The following ZMYND8 variants were observed in gnomAD, a reference collection of about 807,000 sequenced individuals.
ZMYND8 encodes MYND-type zinc finger-containing chromatin reader ZMYND8.
A neutral mutation model predicts 140.8 loss-of-function variants in ZMYND8; 37 were observed. The observed-to-expected ratio is 0.26, with a 90% CI of 0.20 to 0.35. ZMYND8 has a LOEUF of 0.35. Among genes scored for constraint, ZMYND8 ranks in the 10% least tolerant of loss-of-function variants. The probability of loss-of-function intolerance (pLI) is 1.00; values close to 1 mark genes in which losing one functional copy is unlikely to be tolerated. For synonymous variants in ZMYND8, 592 were observed against 597.1 expected (o/e 0.99, Z 0.12); for missense variants, 1,068 against 1,570.0 (o/e 0.68, Z 5.40).
rs1370784780 is a variant in ZMYND8, at chr20:47,212,811, A to G, written c.3485-86T>C. On this transcript the variant is annotated intron_variant, in intron 21 of 22. Transcript: ENST00000471951. ...CAAGTGCTTACTATTTTTGTTCATCAACAGGCTACTGTTATTAGAACCAGT... is the reference window on the plus strand; with the variant it reads ...CAAGTGCTTACTATTTTTGTTCATCGACAGGCTACTGTTATTAGAACCAGT... The G allele has an allele frequency of 6.4e-6, 8 of 1,242,644 alleles. No individual in the cohort carries two copies. The Admixed American group carries it at 7.3e-5, about 11-fold the overall frequency. The allele number at this position is 1,242,644 out of a possible 1,614,324, so 77.0% of individuals were successfully genotyped here.
intron 2 of ZMYND8, among the ~76,000 whole-genome samples, chr20:47,313,130 C>T (rs1033265884): frequency 1.0e-4 from 15 of 150,312 alleles, no homozygotes; most frequent in African/African-American, 2.7e-4. Context: ...TTTGAGAGGC[C>T]GAGGGGGAAG....
chr20:47,250,967 G>A (rs2074120273), intron 12 of ZMYND8, among the ~76,000 whole-genome samples: 2 of 151,820 alleles, frequency 1.3e-5, no homozygotes. Flanking sequence ...GTTAGTGGCT[G>A]TACTGAGCTA....
At chr20:47,290,980 A>T (rs988693839) in intron 6 of ZMYND8, among the ~76,000 whole-genome samples, 1 of 152,186 alleles carries the variant, frequency 6.6e-6, no homozygotes, top group Non-Finnish European at 1.5e-5. Flanking sequence ...AGTACTTATT[A>T]TCATACCCAT....
Position 47,298,916 on chromosome 20 carries a change from A to G in ZMYND8, c.266T>C (p.Met89Thr), listed in dbSNP as rs774360571. 25 of 1,614,088 alleles carry G rather than the reference A, an allele frequency of 1.5e-5. No individual in the cohort carries two copies. The Admixed American group carries it at 3.2e-4, about 20-fold the overall frequency. The change falls in exon 4 of 23, where the codon ATG (methionine) becomes ACG (threonine). Residue 89 changes from methionine to threonine, a missense_variant. This residue lies in a region of ZMYND8 where 109 missense variants were observed against 314.9 expected (regional missense o/e 0.35). Transcript: ENST00000471951. The surrounding 1 kb of genome is among the most constrained non-coding windows in gnomAD (Gnocchi z 5.0). The stretch of plus-strand genomic sequence containing the variant: ...AGGGTCTGTGGTGAGTGGCTGCTTC[A>G]TATAGTAAAACGGACCATGTCTTAG... ...SELRHGPFYY[M>T]KQPLTTDPVD...
chr20:47,245,602 G>A (rs1476563726), intron 14 of ZMYND8, among the ~76,000 whole-genome samples: 2 of 152,212 alleles, frequency 1.3e-5, no homozygotes, highest in East Asian at 3.8e-4. Context: ...GATGTCTGTG[G>A]AATGCAGCAC....
At chr20:47,301,053 G>C (rs186204417) in intron 3 of ZMYND8, among the ~76,000 whole-genome samples, 59 of 152,054 alleles carry the variant, frequency 3.9e-4, no homozygotes, top group Non-Finnish European at 2.9e-5. Flanking sequence ...GAGCCTTGTA[G>C]ATGCTTGCTT....
At chr20:47,338,227 G>A (rs566324011) in intron 2 of ZMYND8, among the ~76,000 whole-genome samples, 55 of 152,174 alleles carry the variant, frequency 3.6e-4, no homozygotes, top group African/African-American at 1.3e-3. Flanking sequence ...TTGCGCTATT[G>A]TCCCTGAGGA....
In ZMYND8 at chr20:47,251,791, G is replaced by C. The variant is rs189912942; in HGVS notation, c.1622-2352C>G. On this transcript the variant is annotated intron_variant, in intron 12 of 22. Coordinates refer to ENST00000471951, the MANE Select transcript of ZMYND8 (RefSeq NM_001281775.3). ...GGAAGCAAGGAGTGCATCTCTGCCC[G>C]GCCGCCGCACCGTCTGGGAAGTGAG... Among the ~76,000 whole-genome samples, 305 of 139,376 alleles carry C rather than the reference G, an allele frequency of 2.2e-3. 3 individuals carry two copies. The highest frequency in any genetic ancestry group is 9.2e-3 in the African/African-American group (292 of 31,880). The allele number at this position is 139,376 out of a possible 152,430, so 91.4% of individuals were successfully genotyped here. A position where few individuals can be genotyped will look rare whatever the true frequency, so the allele number is the denominator to read the frequency against.
intron 2 of ZMYND8, among the ~76,000 whole-genome samples, chr20:47,332,464 C>T (rs564283592): frequency 2.6e-5 from 4 of 152,206 alleles, no homozygotes; most frequent in Admixed American, 6.5e-5. Context: ...AATCCCAGTA[C>T]GTTGGCAGGC....
At chr20:47,308,796 T>C (rs2078696045) in intron 3 of ZMYND8, among the ~76,000 whole-genome samples, 1 of 152,126 alleles carries the variant, frequency 6.6e-6, no homozygotes, top group Non-Finnish European at 1.5e-5. Flanking sequence ...AATAGATTCA[T>C]GCTCAGAAAC....
chr20:47,325,369 C>T (rs2080326139), intron 2 of ZMYND8, among the ~76,000 whole-genome samples: 1 of 152,172 alleles, frequency 6.6e-6, no homozygotes, highest in Non-Finnish European at 1.5e-5. Context: ...AAGTACATAT[C>T]AGACCGACTA....
In ZMYND8 at chr20:47,310,040, C is replaced by G; in HGVS notation, c.234+16G>C. On this transcript the variant is annotated intron_variant, in intron 3 of 22. Transcript: ENST00000471951. Reference sequence around the variant, plus strand: ...TGTCCCACCAGTGAGGACACCGTTCCCAGCGGCTGCTTTACCTGCTCCTTA... The same window carrying G: ...TGTCCCACCAGTGAGGACACCGTTCGCAGCGGCTGCTTTACCTGCTCCTTA... 6.2e-7 allele frequency: 1 copy of G among 1,614,114 alleles called. No individual in the cohort carries two copies. Among genetic ancestry groups the G allele is most frequent in the Non-Finnish European group, 8.5e-7 (1 of 1,180,018 alleles).
At chr20:47,238,535 A>T in intron 15 of ZMYND8, 1 of 757,896 alleles carries the variant, frequency 1.3e-6, no homozygotes, top group Non-Finnish European at 2.1e-6. Context: ...ATATGCATGT[A>T]TCATTTATAA....
chr20:47,218,154 T>C (rs528288580), intron 21 of ZMYND8, among the ~76,000 whole-genome samples: 22 of 152,356 alleles, frequency 1.4e-4, no homozygotes, highest in African/African-American at 5.3e-4. Flanking sequence ...TTCTTGACCC[T>C]GGTCTAGGTA....
intron 11 of ZMYND8, among the ~76,000 whole-genome samples, chr20:47,267,049 C>T (rs2075578597): frequency 6.6e-6 from 1 of 152,120 alleles, no homozygotes; most frequent in South Asian, 2.1e-4. Context: ...CACAATAGAA[C>T]GTTACCGAGC....
chr20:47,210,847 C>T lies in ZMYND8; in HGVS notation c.3619G>A (p.Gly1207Arg). 6.2e-7 allele frequency: 1 copy of T among 1,614,016 alleles called. No individual in the cohort carries two copies. Among genetic ancestry groups the T allele is most frequent in the African/African-American group, 1.3e-5 (1 of 74,972 alleles). ...SSWSSSDEKR[G>R]STRSDHNTST... ...GTGTTGTGATCGGAACGTGTCGATC[C>T]CCTCTTCTCATCACTGCTGCTCCAA... is the stretch of plus-strand genomic sequence containing the variant. Residue 1207 changes from glycine (G) to arginine (R), a missense_variant, in exon 23 of 23, where the codon GGA becomes AGA. Physicochemically the swap from Gly to Arg is moderately radical, Grantham distance 125. Coordinates refer to ENST00000471951, the MANE Select transcript of ZMYND8 (RefSeq NM_001281775.3).
Position 47,238,822 on chromosome 20 carries a change from TTGCTGCTGC to T in ZMYND8, c.2592_2600del (p.Gln865_Gln867del), listed in dbSNP as rs569370037. 1.9e-5 allele frequency: 30 copies of T among 1,611,722 alleles called. No individual in the cohort carries two copies. Among genetic ancestry groups the T allele is most frequent in the South Asian group, 3.3e-5 (3 of 90,926 alleles). Reference sequence around the variant, plus strand: ...AAGACTGAGGCTGCTGCTGCTGGTTTTGCTGCTGCTGCTGCTGCTGCTGACGCTGCATCT... The same window carrying T: ...AAGACTGAGGCTGCTGCTGCTGGTTTTGCTGCTGCTGCTGACGCTGCATCT... On this transcript the variant is annotated inframe_deletion, in exon 15 of 23. Transcript: ENST00000471951.
At chr20:47,256,366 T>C (rs2074718680) in intron 12 of ZMYND8, among the ~76,000 whole-genome samples, 1 of 152,114 alleles carries the variant, frequency 6.6e-6, no homozygotes, top group South Asian at 2.1e-4. Context: ...ACGCCTGTAA[T>C]CCCAGCACTT....
chr20:47,210,299 G>GT lies in ZMYND8; in HGVS notation c.*461_*462insA. 1 of 162,164 alleles carries GT rather than the reference G, an allele frequency of 6.2e-6. No individual in the cohort carries two copies. The highest frequency in any genetic ancestry group is 6.1e-5 in the Admixed American group (1 of 16,420). 10.0% of individuals were successfully genotyped at this position (162,164 alleles called of 1,614,324 possible). A position where few individuals can be genotyped will look rare whatever the true frequency, so the allele number is the denominator to read the frequency against. ...CCTGGGTATCCAAGGATGAGGACGT[G>GT]AGTATGAAAGTGGTCCCCGGGCCCA... On this transcript the variant is annotated 3_prime_UTR_variant, in exon 23 of 23. Coordinates refer to ENST00000471951, the MANE Select transcript of ZMYND8 (RefSeq NM_001281775.3).
Sources: allele counts gnomAD v4.1 joint callset (sites outside exome capture counted in the v4.1 genomes callset), GRCh38; gene constraint gnomAD v4.1.1; regional missense constraint gnomAD v4.1.1; non-coding constraint Gnocchi (gnomAD v3.1); transcripts MANE v1.5; gene names NCBI Gene and HGNC (gene_info 2026-07-23, HGNC 2026-07-21).